Variants in ROBO2 observed in about 807,000 individuals in gnomAD.
ROBO2 encodes roundabout guidance receptor 2, also known as roundabout homolog 2.
ROBO2 carries 53 observed loss-of-function variants against 160.8 expected under a neutral mutation model. The observed-to-expected ratio is 0.33, with a 90% CI of 0.26 to 0.41. The LOEUF (loss-of-function observed/expected upper bound fraction) is 0.41. Among genes scored for constraint, ROBO2 ranks in the 10% least tolerant of loss-of-function variants. The pLI, the probability that ROBO2 is intolerant of heterozygous loss-of-function variation, is 1.00. For synonymous variants in ROBO2, 664 were observed against 611.7 expected, an observed-to-expected ratio of 1.09 and a Z score of -1.26; for missense variants, 1,577 against 1,722.4, an observed-to-expected ratio of 0.92 and a Z score of 1.49.
In ROBO2 at chr3:76,171,518, T is replaced by C. The variant is rs998293266; in HGVS notation, c.109+233916T>C. Among the ~76,000 whole-genome samples, 27 of 152,126 alleles carry C rather than the reference T, an allele frequency of 1.8e-4. 1 individual carries two copies. Among genetic ancestry groups the C allele is most frequent in the Non-Finnish European group, 4.4e-5 (3 of 67,994 alleles). ...GCCAAACCAGGAACTTTATAATGAT[T>C]ATGGTCAGCAAAATCCAGTCAAAGG... On this transcript the variant is annotated intron_variant, in intron 2 of 26. Transcript: ENST00000487694.
At chr3:77,471,464 G>A (rs1279195151) in intron 2 of ROBO2, among the ~76,000 whole-genome samples, 1 of 152,188 alleles carries the variant, frequency 6.6e-6, no homozygotes, top group East Asian at 1.9e-4. Flanking sequence ...TTTGGACTGA[G>A]GGCCTTGGTT....
intron 2 of ROBO2, among the ~76,000 whole-genome samples, chr3:75,977,359 A>T (rs1412425659): frequency 6.6e-6 from 1 of 151,494 alleles, no homozygotes; most frequent in African/African-American, 2.4e-5. Flanking sequence ...ATTATCTCAA[A>T]CTACTAATAC....
chr3:77,289,437 A>C (rs28604332), intron 2 of ROBO2, among the ~76,000 whole-genome samples: 54,600 of 150,266 alleles, frequency 0.36, 10,203 homozygotes, highest in Middle Eastern at 0.49. Flanking sequence ...TCACCCCAGA[A>C]ATTAAGTAAA....
At chr3:76,701,701 C>T (rs1178302748) in intron 2 of ROBO2, among the ~76,000 whole-genome samples, 1 of 151,798 alleles carries the variant, frequency 6.6e-6, no homozygotes, top group Non-Finnish European at 1.5e-5. Context: ...TTAAAGAAGG[C>T]TGTTAGATTA....
intron 2 of ROBO2, among the ~76,000 whole-genome samples, chr3:76,953,485 A>G (rs2079072059): frequency 6.6e-6 from 1 of 152,180 alleles, no homozygotes; most frequent in Non-Finnish European, 1.5e-5. Context: ...CTGAATGATC[A>G]GACCTACAAA....
chr3:76,775,783 G>C (rs1186324561), intron 2 of ROBO2, among the ~76,000 whole-genome samples: 2 of 150,450 alleles, frequency 1.3e-5, no homozygotes, highest in African/African-American at 4.9e-5. Context: ...ATTGTATTAC[G>C]AAGCTTAGGA....
intron 4 of ROBO2, among the ~76,000 whole-genome samples, chr3:77,482,621 T>C (rs949935874): frequency 3.3e-5 from 5 of 152,166 alleles, no homozygotes; most frequent in Non-Finnish European, 5.9e-5. Flanking sequence ...AAAGTATGCA[T>C]GTAAATTTCT....
upstream of ROBO2, among the ~76,000 whole-genome samples, chr3:77,036,009 G>A (rs535138248): frequency 2.0e-5 from 3 of 151,818 alleles, no homozygotes; most frequent in African/African-American, 7.2e-5. Flanking sequence ...GGTACACTGC[G>A]GTTTTCTTAA....
At chr3:76,316,465 A>T (rs145415190) in intron 2 of ROBO2, among the ~76,000 whole-genome samples, 1,909 of 151,608 alleles carry the variant, frequency 0.013, 32 homozygotes, top group Admixed American at 0.038. Flanking sequence ...ATTCTGCCCA[A>T]CCCTGCAGGC....
intron 2 of ROBO2, among the ~76,000 whole-genome samples, chr3:76,921,999 T>A (rs1046046270): frequency 1.3e-5 from 2 of 151,914 alleles, no homozygotes; most frequent in Non-Finnish European, 2.9e-5. Context: ...CAGATAAAAA[T>A]ACAAATAGAA....
intron 2 of ROBO2, among the ~76,000 whole-genome samples, chr3:76,278,104 ATAAAGT>A (rs1708034882): frequency 1.3e-5 from 2 of 152,056 alleles, no homozygotes; most frequent in South Asian, 4.2e-4. Flanking sequence ...CTAATTAATG[ATAAAGT>A]TAAACTTGTA....
At chr3:77,345,472 C>T (rs998789676) in intron 2 of ROBO2, among the ~76,000 whole-genome samples, 2 of 152,050 alleles carry the variant, frequency 1.3e-5, no homozygotes, top group African/African-American at 4.8e-5. Context: ...AGGCTAGCTG[C>T]CACAGGGAGA....
intron 2 of ROBO2, among the ~76,000 whole-genome samples, chr3:76,275,223 GT>G (rs977792587): frequency 6.6e-6 from 1 of 152,156 alleles, no homozygotes; most frequent in African/African-American, 2.4e-5. Context: ...AGTAGTTTGA[GT>G]TTAGCAAATC....
chr3:76,319,323 T>C (rs954592339), intron 2 of ROBO2, among the ~76,000 whole-genome samples: 4 of 152,124 alleles, frequency 2.6e-5, no homozygotes, highest in African/African-American at 9.6e-5. Flanking sequence ...CACACTGGGT[T>C]TTTGAAATCC....
chr3:75,950,019 C>T (rs1256861201), intron 2 of ROBO2, among the ~76,000 whole-genome samples: 27 of 20,192 alleles, frequency 1.3e-3, no homozygotes. Context: ...ACTACATATG[C>T]ATGTGTGTGT....
intron 2 of ROBO2, among the ~76,000 whole-genome samples, chr3:76,744,484 T>C (rs2093852410): frequency 6.6e-6 from 1 of 152,036 alleles, no homozygotes; most frequent in Non-Finnish European, 1.5e-5. Context: ...CTCAGCCTCC[T>C]GAGTAGCTGG....
chr3:76,613,247 T>C (rs746801029), intron 2 of ROBO2, among the ~76,000 whole-genome samples: 3 of 152,184 alleles, frequency 2.0e-5, no homozygotes, highest in Non-Finnish European at 2.9e-5. Flanking sequence ...TGTTTTATTC[T>C]CTTGCTTTTT....
intron 20 of ROBO2, among the ~76,000 whole-genome samples, chr3:77,603,580 A>G (rs1348492432): frequency 6.6e-6 from 1 of 152,224 alleles, no homozygotes; most frequent in Admixed American, 6.5e-5. Context: ...CCAAAAAACC[A>G]TATAATCTTT....
chr3:76,331,911 T>C, intron 2 of ROBO2, among the ~76,000 whole-genome samples: 1 of 152,054 alleles, frequency 6.6e-6, no homozygotes, highest in Non-Finnish European at 1.5e-5. Flanking sequence ...CTCGAACTCC[T>C]GACCTCAGGT....
Sources: allele counts gnomAD v4.1 joint callset (sites outside exome capture counted in the v4.1 genomes callset), GRCh38; gene constraint gnomAD v4.1.1; transcripts MANE v1.5; gene names NCBI Gene and HGNC (gene_info 2026-07-23, HGNC 2026-07-21).